Variants in ELMO2 observed in about 807,000 individuals in gnomAD.
ELMO2 encodes engulfment and cell motility protein 2.
A neutral mutation model predicts 96.2 loss-of-function variants in ELMO2; 37 were observed. The observed-to-expected ratio is 0.38, with a 90% CI of 0.30 to 0.51. The LOEUF (loss-of-function observed/expected upper bound fraction) is 0.51, where lower values mean the gene tolerates loss of function less well. Among genes scored for constraint, ELMO2 ranks in the 20% least tolerant of loss-of-function variants. ELMO2 has a pLI of 0.88. For synonymous variants in ELMO2, 315 were observed against 329.4 expected (o/e 0.96, Z 0.47); for missense variants, 561 against 912.6 (o/e 0.61, Z 4.96).
rs1182091776 is a variant in ELMO2, at chr20:46,394,076, G to A, written c.92C>T (p.Ala31Val). The A allele has an allele frequency of 4.3e-6, 7 of 1,613,936 alleles. No homozygotes were observed. The highest frequency in any genetic ancestry group is 2.2e-5 in the East Asian group (1 of 44,868). The part of the protein sequence containing the change: ...LLEIDQKRPL[A>V]SIIKEVCDGW... ...ATCACAAACTTCCTTGATAATGGATGCCAGGGGCCGTTTCTGAAAGAGAGA... is the reference window on the plus strand; with the variant it reads ...ATCACAAACTTCCTTGATAATGGATACCAGGGGCCGTTTCTGAAAGAGAGA... The change falls in exon 4 of 22, where the codon GCA becomes GTA. Residue 31 changes from alanine (A) to valine (V), a missense_variant. By Grantham distance (64) the Ala-to-Val change is moderately conservative. Coordinates refer to ENST00000290246, the MANE Select transcript of ELMO2 (RefSeq NM_133171.5).
intron 10 of ELMO2, 64 bp from the exon 11 acceptor site, chr20:46,380,367 G>GAGGA: frequency 7.5e-7 from 1 of 1,329,606 alleles, no homozygotes; most frequent in South Asian, 1.3e-5. Context: ...CTACTATCGA[G>GAGGA]AGGAAGGTGA....
In ELMO2 at chr20:46,386,187, T is replaced by C. The variant is rs1247605228; in HGVS notation, c.614A>G (p.Gln205Arg). Residue 205 changes from glutamine to arginine, a missense_variant, in exon 9 of 22, where the codon CAG becomes CGG. Transcript: ENST00000290246. The stretch of plus-strand genomic sequence containing the variant: ...CTCGGCTATCTTCTGGTACAGACTC[T>C]GGCTGTTCAAGACCATGCTCTCCAG... ...AILESMVLNS[Q>R]SLYQKIAEEI... is the part of the protein sequence containing the mutation. The C allele has an allele frequency of 2.5e-6, 4 of 1,614,068 alleles. No individual in the cohort carries two copies. In the Admixed American group the frequency reaches 6.7e-5, roughly 27 times the overall value.
intron 1 of ELMO2, among the ~76,000 whole-genome samples, chr20:46,399,044 T>G (rs1242946566): frequency 3.3e-5 from 5 of 152,066 alleles, no homozygotes; most frequent in African/African-American, 1.2e-4. Context: ...GATAAGAAAA[T>G]GGAGGCACAG....
At position 46,371,403 on chromosome 20, in the gene ELMO2, A is replaced by G; in HGVS notation, c.1750T>C (p.Leu584=). ...LNHKVLHYGD[L]DDNPQGEVTF... Reference sequence around the variant, plus strand: ...ACCTCCCCTTGTGGGTTGTCATCCAAGTCACCATAGTGAAGGACCTTGTGG... The same window carrying G: ...ACCTCCCCTTGTGGGTTGTCATCCAGGTCACCATAGTGAAGGACCTTGTGG... The change falls in exon 19 of 22, where the codon TTG becomes CTG. Residue 584 remains leucine (L), a synonymous_variant. Coordinates refer to ENST00000290246, the MANE Select transcript of ELMO2 (RefSeq NM_133171.5). The surrounding 1 kb of genome is among the most constrained non-coding windows in gnomAD (Gnocchi z 5.9). 6.2e-6 allele frequency: 10 copies of G among 1,614,256 alleles called. No homozygotes were observed. Among genetic ancestry groups the G allele is most frequent in the Non-Finnish European group, 8.5e-6 (10 of 1,180,046 alleles).
At position 46,393,541 on chromosome 20, in the gene ELMO2, G is replaced by A. The variant is rs1206626715; in HGVS notation, c.180C>T (p.Tyr60=). 1 of 1,614,182 alleles carries A rather than the reference G, an allele frequency of 6.2e-7. No homozygotes were observed. The highest frequency in any genetic ancestry group is 1.1e-5 in the South Asian group (1 of 91,080). The part of the protein sequence containing the change: ...TLRYADGPQL[Y]ITEQTRSDIK... ...TCCCTGTACTAACCTGTTCGGTGAT[G>A]TACAGCTGAGGACCATCTGCATAAC... is the stretch of plus-strand genomic sequence containing the variant. The change falls in exon 5 of 22, where the codon TAC becomes TAT. Residue 60 remains tyrosine (Y), a synonymous_variant. Coordinates refer to ENST00000290246, the MANE Select transcript of ELMO2 (RefSeq NM_133171.5).
intron 8 of ELMO2, among the ~76,000 whole-genome samples, chr20:46,386,623 GAC>G (rs1190665681): frequency 6.6e-6 from 1 of 152,114 alleles, no homozygotes; most frequent in Non-Finnish European, 1.5e-5. Flanking sequence ...TACCTCCCCT[GAC>G]ACACACTCCC....
chr20:46,387,091 A>C (rs573654386), intron 8 of ELMO2, among the ~76,000 whole-genome samples: 13 of 152,202 alleles, frequency 8.5e-5, no homozygotes, highest in Non-Finnish European at 1.9e-4. Context: ...TCTCACTGAC[A>C]ATCTAATTCT....
chr20:46,370,612 C>CTG, intron 19 of ELMO2, 87 bp from the exon 20 acceptor site: 1 of 1,264,586 alleles, frequency 7.9e-7, no homozygotes, highest in African/African-American at 1.5e-5. Context: ...GGTACTGGGG[C>CTG]AGATGCATAG....
intron 9 of ELMO2, among the ~76,000 whole-genome samples, chr20:46,384,246 T>G (rs1202742679): frequency 6.6e-6 from 1 of 152,198 alleles, no homozygotes; most frequent in Non-Finnish European, 1.5e-5. Context: ...TAAACTTATT[T>G]TATTATGAAC....
chr20:46,387,717 T>C (rs1568772920), intron 7 of ELMO2: 1 of 320,072 alleles, frequency 3.1e-6, no homozygotes, highest in Non-Finnish European at 5.7e-6. Context: ...GAATCACTTA[T>C]CTATTTCCCA....
Position 46,372,095 on chromosome 20 carries a change from T to C in ELMO2, c.1417-126A>G. 2 of 1,161,136 alleles carry C rather than the reference T, an allele frequency of 1.7e-6. 1 individual carries two copies. The highest frequency in any genetic ancestry group is 2.4e-6 in the Non-Finnish European group (2 of 818,080). 71.9% of individuals were successfully genotyped at this position (1,161,136 alleles called of 1,614,324 possible). ...CAGGGCAGGCACTACAGACATCTGCTGGGTGAGTAAGGTATACCTTCTTAG... is the reference window on the plus strand; with the variant it reads ...CAGGGCAGGCACTACAGACATCTGCCGGGTGAGTAAGGTATACCTTCTTAG... On this transcript the variant is annotated intron_variant, in intron 16 of 21. Coordinates refer to ENST00000290246, the MANE Select transcript of ELMO2 (RefSeq NM_133171.5).
chr20:46,402,944 G>A (rs542326116), intron 1 of ELMO2, among the ~76,000 whole-genome samples: 41 of 152,348 alleles, frequency 2.7e-4, no homozygotes, highest in Non-Finnish European at 5.1e-4. Context: ...CAAGTTAGGA[G>A]CTGTGTTCTG....
At chr20:46,390,952 G>A (rs766023318) in intron 6 of ELMO2, 2 of 152,348 alleles carry the variant, frequency 1.3e-5, no homozygotes, top group Non-Finnish European at 2.9e-5. Flanking sequence ...ACAATCTGAA[G>A]AGCACTGGTC....
At chr20:46,406,088 G>A (rs1487859178) in intron 1 of ELMO2, among the ~76,000 whole-genome samples, 1 of 152,150 alleles carries the variant, frequency 6.6e-6, no homozygotes, top group East Asian at 1.9e-4. Flanking sequence ...GGATCCACGG[G>A]GCGGACTGGT....
At position 46,389,028 on chromosome 20, in the gene ELMO2, G is replaced by T; in HGVS notation, c.425+11C>A. ...TCGAAGTCCTTGGAACGAGACCTTA[G>T]TCATACTCACTGGGACAAGAGCTTG... On this transcript the variant is annotated intron_variant, in intron 7 of 21. Transcript: ENST00000290246. 1 of 1,611,610 alleles carries T rather than the reference G, an allele frequency of 6.2e-7. No individual in the cohort carries two copies. The highest frequency in any genetic ancestry group is 1.1e-5 in the South Asian group (1 of 90,944).
In ELMO2 at chr20:46,371,347, C is replaced by G. The variant is rs1305824671; in HGVS notation, c.1801+5G>C. 6.2e-7 allele frequency: 1 copy of G among 1,613,492 alleles called. No homozygotes were observed. Among genetic ancestry groups the G allele is most frequent in the Non-Finnish European group, 8.5e-7 (1 of 1,179,482 alleles). On this transcript the variant is annotated splice_donor_5th_base_variant and intron_variant, in intron 19 of 21. Coordinates refer to ENST00000290246, the MANE Select transcript of ELMO2 (RefSeq NM_133171.5). The surrounding 1 kb of genome is among the most constrained non-coding windows in gnomAD (Gnocchi z 5.9). Reference sequence around the variant, plus strand: ...CATGACACATCAACAGAGAAATGAACCTACTTTTCTCCTGCAGGGATTCAA... The same window carrying G: ...CATGACACATCAACAGAGAAATGAAGCTACTTTTCTCCTGCAGGGATTCAA...
intron 15 of ELMO2, among the ~76,000 whole-genome samples, chr20:46,374,069 G>C (rs996773490): frequency 1.3e-5 from 2 of 148,172 alleles, no homozygotes; most frequent in Admixed American, 6.8e-5. Flanking sequence ...TGGGACCAGA[G>C]GCATGCACTA....
chr20:46,388,784 A>G (rs1343400452), intron 7 of ELMO2, among the ~76,000 whole-genome samples: 1 of 152,012 alleles, frequency 6.6e-6, no homozygotes, highest in East Asian at 1.9e-4. Context: ...TCTAGCCCCT[A>G]TTTTCACTGC....
chr20:46,401,188 T>A (rs1600896048), intron 1 of ELMO2, among the ~76,000 whole-genome samples: 2 of 152,318 alleles, frequency 1.3e-5, no homozygotes, highest in Admixed American at 1.3e-4. Flanking sequence ...CTATAAAGGC[T>A]TCCCCCTCTG....
Sources: allele counts gnomAD v4.1 joint callset (sites outside exome capture counted in the v4.1 genomes callset), GRCh38; gene constraint gnomAD v4.1.1; non-coding constraint Gnocchi (gnomAD v3.1); transcripts MANE v1.5; gene names NCBI Gene and HGNC (gene_info 2026-07-23, HGNC 2026-07-21).